Variants in SYTL3 observed in about 807,000 individuals in gnomAD.
SYTL3 encodes synaptotagmin like 3, also known as synaptotagmin-like protein 3.
In SYTL3, 88 loss-of-function variants were observed where a neutral mutation model predicts 82.1. The ratio of observed to expected loss-of-function variants is 1.07; its 90% CI spans 0.90 to 1.28. The LOEUF is 1.28. Ranked by LOEUF, SYTL3 falls within the 50% of genes most tolerant of loss-of-function variation. The pLI, the probability that SYTL3 is intolerant of heterozygous loss-of-function variation, is 0.00. For missense variants in SYTL3, 831 were observed against 757.6 expected (o/e 1.10, Z -1.14); for synonymous variants, 311 against 289.4 (o/e 1.07, Z -0.76).
rs71542927 is a variant in SYTL3, at chr6:158,677,545, T to TA, written c.330-5370dup. ...TGCACATGTACCCTAAAACTTATAA[T>TA]AAAAAAAAAATGAGCTGGTTGTGGT... On this transcript the variant is annotated intron_variant, in intron 5 of 17. Transcript: ENST00000611299. Among the ~76,000 whole-genome samples, 48 of 146,984 alleles carry TA rather than the reference T, an allele frequency of 3.3e-4. No individual in the cohort carries two copies. The Middle Eastern group carries it at 0.011, about 32-fold the overall frequency.
intron 6 of SYTL3, among the ~76,000 whole-genome samples, chr6:158,700,636 A>T (rs1344458869): frequency 6.6e-6 from 1 of 150,844 alleles, no homozygotes; most frequent in Non-Finnish European, 1.5e-5. Context: ...ATGTATTTTG[A>T]GACGGAGTCT....
Position 158,663,094 on chromosome 6 carries a change from A to G in SYTL3, c.-175A>G, listed in dbSNP as rs1789556946. The G allele has an allele frequency of 3.4e-6, 2 of 596,238 alleles. No individual in the cohort carries two copies. The highest frequency in any genetic ancestry group is 3.0e-6 in the Non-Finnish European group (1 of 336,776). The allele number at this position is 596,238 out of a possible 1,614,324, so 36.9% of individuals were successfully genotyped here. ...AGGCTTTCTTCTTCTAAGGAGTATG[A>G]CACAGTTAAAAAGGAAAAAAGAACC... On this transcript the variant is annotated 5_prime_UTR_variant, in exon 4 of 18. Transcript: ENST00000611299.
intron 5 of SYTL3, among the ~76,000 whole-genome samples, chr6:158,672,882 G>T (rs1203880490): frequency 1.3e-5 from 2 of 152,012 alleles, no homozygotes; most frequent in Admixed American, 1.3e-4. Context: ...TGATCTGCCC[G>T]TCTCGGCCTC....
At chr6:158,755,528 C>G (rs3123098) in intron 13 of SYTL3, among the ~76,000 whole-genome samples, 1 of 152,158 alleles carries the variant, frequency 6.6e-6, no homozygotes, top group Admixed American at 6.5e-5. Context: ...GTGCCTGGCC[C>G]GCAGACATCA....
At chr6:158,750,397 C>A (rs1009409498) in intron 12 of SYTL3, among the ~76,000 whole-genome samples, 2 of 152,058 alleles carry the variant, frequency 1.3e-5, no homozygotes, top group Non-Finnish European at 1.5e-5. Context: ...TGCTTCCAAC[C>A]GTATAGGTAT....
intron 6 of SYTL3, among the ~76,000 whole-genome samples, chr6:158,692,773 TAAAAA>T (rs35173536): frequency 0.038 from 4,584 of 121,664 alleles, 281 homozygotes; most frequent in African/African-American, 0.13. Flanking sequence ...CCGTCTCTAC[TAAAAA>T]AAAAAAAAAA....
chr6:158,727,514 G>A (rs1784879913), intron 11 of SYTL3, among the ~76,000 whole-genome samples: 1 of 151,838 alleles, frequency 6.6e-6, no homozygotes, highest in African/African-American at 2.4e-5. Flanking sequence ...ACAGGTGTTC[G>A]GCCATGAGGC....
At chr6:158,676,036 C>G (rs1777992743) in intron 5 of SYTL3, among the ~76,000 whole-genome samples, 2 of 152,140 alleles carry the variant, frequency 1.3e-5, no homozygotes, top group Admixed American at 6.5e-5. Flanking sequence ...ACTTTCTTCA[C>G]AGAATTGGAA....
At chr6:158,660,143 T>C (rs940889641) in intron 2 of SYTL3, among the ~76,000 whole-genome samples, 2 of 152,118 alleles carry the variant, frequency 1.3e-5, no homozygotes, top group Non-Finnish European at 2.9e-5. Flanking sequence ...CGGGCACCTG[T>C]AATCCCAGCT....
chr6:158,734,549 C>CA (rs1370403361), intron 11 of SYTL3, among the ~76,000 whole-genome samples: 2 of 152,154 alleles, frequency 1.3e-5, no homozygotes, highest in African/African-American at 4.8e-5. Context: ...CACCTCCAGG[C>CA]ATTTCTGTAC....
intron 5 of SYTL3, among the ~76,000 whole-genome samples, chr6:158,677,975 C>T (rs1202387872): frequency 6.6e-6 from 1 of 152,020 alleles, no homozygotes; most frequent in African/African-American, 2.4e-5. Context: ...CTGTAAATTC[C>T]ACCTCCTGGG....
chr6:158,698,407 A>AG (rs1780794306), intron 6 of SYTL3, among the ~76,000 whole-genome samples: 2 of 151,638 alleles, frequency 1.3e-5, no homozygotes, highest in Admixed American at 6.6e-5. Context: ...AAAAAAAAAA[A>AG]AAAAAAGGCT....
intron 12 of SYTL3, 79 bp from the exon 13 acceptor site, chr6:158,751,849 G>GAGAAA: frequency 2.8e-6 from 3 of 1,070,218 alleles, no homozygotes; most frequent in Non-Finnish European, 4.0e-6. Context: ...CTGGCATGTG[G>GAGAAA]GTTCTCTGCT....
chr6:158,707,319 G>C (rs768128134), intron 7 of SYTL3, 38 bp downstream of exon 7: 133 of 1,605,494 alleles, frequency 8.3e-5, no homozygotes, highest in Non-Finnish European at 1.1e-4. Flanking sequence ...CTGGCCCTCC[G>C]GGGCAGGAGC....
At chr6:158,726,618 G>T in intron 11 of SYTL3, 1 of 239,924 alleles carries the variant, frequency 4.2e-6, no homozygotes, top group South Asian at 7.8e-5. Context: ...CTCTGGATGG[G>T]AAGTGATCTA....
At position 158,757,123 on chromosome 6, in the gene SYTL3, G is replaced by GGGCCCT. The variant is rs1789226473; in HGVS notation, c.1138-85_1138-80dup. On this transcript the variant is annotated intron_variant, in intron 13 of 17. Transcript: ENST00000611299. Reference sequence around the variant, plus strand: ...GGCCTGCGCCAGGCCCCGGGAAGTGGGGCCCTGGAAGGTGGGGTCCAGAGA... The same window carrying GGGCCCT: ...GGCCTGCGCCAGGCCCCGGGAAGTGGGGCCCTGGCCCTGGAAGGTGGGGTCCAGAGA... 3.7e-6 allele frequency: 5 copies of GGGCCCT among 1,361,322 alleles called. No individual in the cohort carries two copies. In the South Asian group the frequency reaches 6.9e-5, roughly 19 times the overall value. 84.3% of individuals were successfully genotyped at this position (1,361,322 alleles called of 1,614,324 possible).
intron 11 of SYTL3, among the ~76,000 whole-genome samples, chr6:158,742,473 C>G (rs1238323362): frequency 1.3e-5 from 2 of 152,234 alleles, no homozygotes; most frequent in East Asian, 1.9e-4. Flanking sequence ...TTGGAGGATC[C>G]CAGCTGAAGG....
intron 2 of SYTL3, among the ~76,000 whole-genome samples, chr6:158,653,246 C>T (rs1004116471): frequency 3.3e-5 from 5 of 152,070 alleles, no homozygotes; most frequent in Admixed American, 1.3e-4. Flanking sequence ...GTGGCTCACA[C>T]CTGTAATCCC....
intron 7 of SYTL3, among the ~76,000 whole-genome samples, 172 bp from the exon 8 acceptor site, chr6:158,708,150 G>A (rs1479368040): frequency 7.2e-5 from 11 of 152,056 alleles, no homozygotes; most frequent in African/African-American, 1.7e-4. Context: ...CATGCCCCTC[G>A]TAGAGCAGCA....
Sources: gnomAD v4.1 joint callset for allele counts (sites outside exome capture counted in the v4.1 genomes callset) on GRCh38, gnomAD v4.1.1 for gene constraint, MANE v1.5 for transcripts, NCBI Gene and HGNC (gene_info 2026-07-23, HGNC 2026-07-21) for gene names.